PDE4D: variants seen among roughly 807,000 people sequenced by gnomAD.
PDE4D encodes the protein 3',5'-cyclic-AMP phosphodiesterase 4D.
Under a neutral mutation model 87.4 loss-of-function variants are expected in PDE4D, and 24 were observed. That is an observed-to-expected ratio of 0.27 (90% CI 0.20 to 0.39). The LOEUF is 0.39. PDE4D is among the 10% of genes least tolerant of loss of function. The pLI is 1.00. For synonymous variants in PDE4D, 384 were observed against 383.2 expected (o/e 1.00, Z -0.02); for missense variants, 714 against 1,041.0 (o/e 0.69, Z 4.32).
chr5:59,250,813 G>C (rs1759788233), intron 1 of PDE4D, among the ~76,000 whole-genome samples: 1 of 152,116 alleles, frequency 6.6e-6, no homozygotes, highest in Non-Finnish European at 1.5e-5. Flanking sequence ...TAACAGCATG[G>C]TACTGGTACA....
At chr5:59,690,010 G>C (rs1750633220) in intron 1 of PDE4D, among the ~76,000 whole-genome samples, 2 of 152,116 alleles carry the variant, frequency 1.3e-5, no homozygotes, top group Non-Finnish European at 2.9e-5. Context: ...CAACTTACAA[G>C]GGATGTGAAG....
chr5:59,005,131 A>G (rs911954206), intron 6 of PDE4D, among the ~76,000 whole-genome samples: 5 of 152,228 alleles, frequency 3.3e-5, no homozygotes, highest in Admixed American at 1.3e-4. Flanking sequence ...CATTTAAAAC[A>G]GATTACATAT....
chr5:60,106,248 A>G (rs1489204110), intron 2 of PDE4D, among the ~76,000 whole-genome samples: 1 of 151,880 alleles, frequency 6.6e-6, no homozygotes, highest in Non-Finnish European at 1.5e-5. Flanking sequence ...ACAAAGATCA[A>G]AAGAGACAAA....
chr5:59,747,901 T>G (rs1759856526), intron 1 of PDE4D, among the ~76,000 whole-genome samples: 1 of 152,120 alleles, frequency 6.6e-6, no homozygotes, highest in African/African-American at 2.4e-5. Flanking sequence ...TGATCAAATG[T>G]CCCCTTTCTG....
chr5:60,317,474 T>C (rs1755741925), intron 1 of PDE4D, among the ~76,000 whole-genome samples: 1 of 152,214 alleles, frequency 6.6e-6, no homozygotes, highest in African/African-American at 2.4e-5. Flanking sequence ...GGGTTTTTTG[T>C]GTCTTTATTT....
chr5:59,602,964 G>A (rs1042096982), intron 1 of PDE4D, among the ~76,000 whole-genome samples: 5 of 152,026 alleles, frequency 3.3e-5, no homozygotes, highest in Non-Finnish European at 5.9e-5. Context: ...AAATGGTGCT[G>A]GGAAAACTGT....
At chr5:59,955,040 G>C (rs1356242466) in intron 3 of PDE4D, among the ~76,000 whole-genome samples, 3 of 152,092 alleles carry the variant, frequency 2.0e-5, no homozygotes, top group Non-Finnish European at 2.9e-5. Context: ...AAATGTATTA[G>C]AGTGATTACA....
intron 1 of PDE4D, among the ~76,000 whole-genome samples, chr5:59,373,267 G>A (rs999293319): frequency 5.9e-5 from 9 of 152,166 alleles, no homozygotes; most frequent in African/African-American, 2.2e-4. Context: ...CCAACGGAAG[G>A]AAGCTAAAAA....
intron 2 of PDE4D, among the ~76,000 whole-genome samples, chr5:59,200,112 C>CATACATGTATGTAG (rs1561688929): frequency 3.5e-4 from 51 of 147,364 alleles, no homozygotes; most frequent in African/African-American, 1.2e-3. Context: ...TGTATGCACA[C>CATACATGTATGTAG]ACATACATGC....
chr5:59,781,334 G>A (rs565161011), intron 1 of PDE4D, among the ~76,000 whole-genome samples: 2 of 152,218 alleles, frequency 1.3e-5, no homozygotes, highest in Non-Finnish European at 2.9e-5. Flanking sequence ...AAAAATGTAT[G>A]TTGGAACAAG....
At chr5:59,449,363 C>T (rs1258993120) in intron 1 of PDE4D, among the ~76,000 whole-genome samples, 3 of 152,224 alleles carry the variant, frequency 2.0e-5, no homozygotes, top group African/African-American at 7.2e-5. Context: ...AAATTTTCCA[C>T]AGTGCTCCCT....
intron 6 of PDE4D, among the ~76,000 whole-genome samples, chr5:59,021,560 A>C (rs942071747): frequency 6.6e-6 from 1 of 152,168 alleles, no homozygotes; most frequent in Non-Finnish European, 1.5e-5. Context: ...ATATGTCCCC[A>C]CCACACTACA....
intron 1 of PDE4D, among the ~76,000 whole-genome samples, chr5:59,407,803 G>T (rs149056932): frequency 4.5e-4 from 68 of 152,238 alleles, no homozygotes; most frequent in African/African-American, 1.4e-3. Flanking sequence ...AATGACTTAG[G>T]GTATCTGGCA....
intron 1 of PDE4D, among the ~76,000 whole-genome samples, chr5:59,616,915 T>TTATATATATATATATATATATATATATA (rs1561333178): frequency 1.6e-4 from 2 of 12,290 alleles, no homozygotes; most frequent in Non-Finnish European, 3.9e-4. Context: ...GACCTAATAA[T>TTATATATATATATATATATATATATATA]TACATATATA....
chr5:59,624,856 T>A (rs905014701), intron 1 of PDE4D, among the ~76,000 whole-genome samples: 1 of 152,190 alleles, frequency 6.6e-6, no homozygotes, highest in Non-Finnish European at 1.5e-5. Flanking sequence ...GCTGTGATTA[T>A]TGTCTTTCTT....
At chr5:59,474,400 T>C (rs544735450) in intron 1 of PDE4D, among the ~76,000 whole-genome samples, 1 of 152,172 alleles carries the variant, frequency 6.6e-6, no homozygotes, top group Non-Finnish European at 1.5e-5. Context: ...TGAATGTGTC[T>C]ACCAAATACT....
At chr5:59,683,926 T>C (rs1749442756) in intron 1 of PDE4D, among the ~76,000 whole-genome samples, 1 of 152,196 alleles carries the variant, frequency 6.6e-6, no homozygotes, top group African/African-American at 2.4e-5. Flanking sequence ...GCTCATAGAA[T>C]AAAGTCCAAA....
At chr5:59,442,278 T>C (rs1797748775) in intron 1 of PDE4D, among the ~76,000 whole-genome samples, 2 of 152,192 alleles carry the variant, frequency 1.3e-5, no homozygotes, top group Admixed American at 1.3e-4. Flanking sequence ...ACCAAGGCAG[T>C]GTAACTTGTG....
chr5:60,360,717 A>G (rs569695079), intron 1 of PDE4D, among the ~76,000 whole-genome samples: 1 of 152,294 alleles, frequency 6.6e-6, no homozygotes, highest in East Asian at 1.9e-4. Flanking sequence ...TTTTATAGGG[A>G]CAGTGCTGAA....
Sources: allele counts gnomAD v4.1 joint callset (sites outside exome capture counted in the v4.1 genomes callset), GRCh38; gene constraint gnomAD v4.1.1; transcripts MANE v1.5; gene names NCBI Gene and HGNC (gene_info 2026-07-23, HGNC 2026-07-21).